CCDC178: variants seen among roughly 807,000 people sequenced by gnomAD.
CCDC178 encodes coiled-coil domain containing 178.
CCDC178 carries 126 observed loss-of-function variants against 117.4 expected under a neutral mutation model. The observed-to-expected ratio is 1.07, with a 90% CI of 0.93 to 1.24. CCDC178 has a LOEUF of 1.24. CCDC178 is among the 50% of genes most tolerant of loss of function. The pLI, the probability that CCDC178 is intolerant of heterozygous loss-of-function variation, is 0.00. For missense variants in CCDC178, 1,030 were observed against 986.9 expected (o/e 1.04, Z -0.59); for synonymous variants, 283 against 313.4 (o/e 0.90, Z 1.02).
chr18:33,109,020 T>C (rs756475946), intron 20 of CCDC178, among the ~76,000 whole-genome samples: 2 of 151,612 alleles, frequency 1.3e-5, no homozygotes, highest in Non-Finnish European at 3.0e-5. Flanking sequence ...TGGTGTGTAA[T>C]GGCACAGTCA....
chr18:33,356,277 T>C (rs1251409033), intron 7 of CCDC178, 47 bp downstream of exon 7: 5 of 1,439,028 alleles, frequency 3.5e-6, no homozygotes, highest in Admixed American at 2.6e-5. Context: ...GATTGAAATT[T>C]GGACATTAAA....
intron 20 of CCDC178, among the ~76,000 whole-genome samples, chr18:33,146,887 G>T (rs72945329): frequency 0.031 from 4,706 of 152,252 alleles, 95 homozygotes; most frequent in East Asian, 0.11. Flanking sequence ...GCGTTTTTAA[G>T]ACTCAGTCTG....
At chr18:33,168,427 T>C (rs973082841) in intron 20 of CCDC178, among the ~76,000 whole-genome samples, 4 of 152,220 alleles carry the variant, frequency 2.6e-5, no homozygotes, top group African/African-American at 7.2e-5. Flanking sequence ...CTCTCTATTC[T>C]GTTCCATTGG....
Position 33,148,058 on chromosome 18 carries a change from G to A in CCDC178, c.2239-55148C>T, listed in dbSNP as rs1482760615. On this transcript the variant is annotated intron_variant, in intron 20 of 22. Transcript: ENST00000383096. ...AGAGGCTGCAATCTCGGCACTTTGG[G>A]AGGCCAAGGCAGGCGGCTGGGAGGT... Among the ~76,000 whole-genome samples, 7 of 152,338 alleles carry A rather than the reference G, an allele frequency of 4.6e-5. No individual in the cohort carries two copies. In the East Asian group the frequency reaches 1.4e-3, roughly 29 times the overall value.
chr18:33,299,705 AT>A (rs1433928752), intron 11 of CCDC178, among the ~76,000 whole-genome samples: 1 of 151,382 alleles, frequency 6.6e-6, no homozygotes, highest in Non-Finnish European at 1.5e-5. Flanking sequence ...GGGAGAAAAT[AT>A]TTGCAATCTA....
intron 21 of CCDC178, among the ~76,000 whole-genome samples, chr18:33,025,003 A>G (rs1193833300): frequency 6.6e-6 from 1 of 152,160 alleles, no homozygotes; most frequent in Non-Finnish European, 1.5e-5. Context: ...TGACAAAGAC[A>G]GTACAAAAGA....
chr18:33,359,842 T>C (rs2063102277), intron 6 of CCDC178, among the ~76,000 whole-genome samples: 1 of 151,354 alleles, frequency 6.6e-6, no homozygotes, highest in Non-Finnish European at 1.5e-5. Context: ...AATGAAACAC[T>C]TCATTTACTT....
intron 10 of CCDC178, among the ~76,000 whole-genome samples, chr18:33,329,073 CTTAA>C (rs2062628310): frequency 6.6e-6 from 1 of 151,670 alleles, no homozygotes; most frequent in Non-Finnish European, 1.5e-5. Context: ...GAATTGTTTT[CTTAA>C]TTTTTTTTGG....
At chr18:33,058,861 A>T (rs1262062060) in intron 21 of CCDC178, among the ~76,000 whole-genome samples, 1 of 152,206 alleles carries the variant, frequency 6.6e-6, no homozygotes, top group Non-Finnish European at 1.5e-5. Flanking sequence ...TGTAATGGAT[A>T]TAGTAATAAT....
At chr18:33,380,762 T>A (rs2063430000) in intron 5 of CCDC178, among the ~76,000 whole-genome samples, 1 of 152,250 alleles carries the variant, frequency 6.6e-6, no homozygotes, top group Non-Finnish European at 1.5e-5. Context: ...CTCAGAGAGT[T>A]GATCTTTATG....
intron 11 of CCDC178, among the ~76,000 whole-genome samples, chr18:33,322,698 TAA>T (rs1212432467): frequency 6.6e-6 from 1 of 151,658 alleles, no homozygotes; most frequent in Non-Finnish European, 1.5e-5. Context: ...AGATTAGTTA[TAA>T]AAGAGATTTC....
At chr18:33,070,464 A>T (rs909774560) in intron 21 of CCDC178, among the ~76,000 whole-genome samples, 12 of 152,038 alleles carry the variant, frequency 7.9e-5, no homozygotes, top group African/African-American at 2.9e-4. Context: ...GGAGCTAAAG[A>T]TATTGTTCTC....
intron 9 of CCDC178, among the ~76,000 whole-genome samples, chr18:33,336,889 T>C (rs1825564038): frequency 6.6e-6 from 1 of 152,138 alleles, no homozygotes; most frequent in African/African-American, 2.4e-5. Context: ...CTCTTTTTTT[T>C]GGTTCCACAT....
rs929774115 is a variant in CCDC178, at chr18:33,114,318, C to CT, written c.2239-21409dup. 4.0e-4 allele frequency among the ~76,000 whole-genome samples: 61 copies of CT among 152,078 alleles called. No individual in the cohort carries two copies. In the Middle Eastern group the frequency reaches 0.01, roughly 25 times the overall value. On this transcript the variant is annotated intron_variant, in intron 20 of 22. Coordinates refer to ENST00000383096, the MANE Select transcript of CCDC178 (RefSeq NM_001105528.4). ...ACATTCTGCATCAGCCTTGAGAATG[C>CT]TGTGCAGGAGAGACCCTGGTAGCCC...
chr18:32,944,852 C>T (rs1191233749), intron 22 of CCDC178, among the ~76,000 whole-genome samples: 1 of 152,176 alleles, frequency 6.6e-6, no homozygotes, highest in Non-Finnish European at 1.5e-5. Context: ...TAAGCAGTTT[C>T]CGCTTTGGCT....
At chr18:33,369,905 A>C (rs1053557732) in intron 6 of CCDC178, 145 bp downstream of exon 6, 1 of 625,566 alleles carries the variant, frequency 1.6e-6, no homozygotes, top group Non-Finnish European at 2.5e-6. Flanking sequence ...CTAGACTAGT[A>C]AATGATGCAA....
intron 2 of CCDC178, among the ~76,000 whole-genome samples, chr18:33,438,123 C>G (rs140504455): frequency 6.6e-6 from 1 of 152,126 alleles, no homozygotes; most frequent in African/African-American, 2.4e-5. Context: ...ACCATAACTT[C>G]CACAGTGATC....
intron 21 of CCDC178, among the ~76,000 whole-genome samples, chr18:33,018,500 G>A (rs1025208041): frequency 1.3e-5 from 2 of 152,030 alleles, no homozygotes; most frequent in African/African-American, 4.8e-5. Context: ...TGCCCATCAA[G>A]TGATGAATGA....
intron 20 of CCDC178, among the ~76,000 whole-genome samples, chr18:33,172,386 TAA>T (rs1384982008): frequency 6.6e-6 from 1 of 152,010 alleles, no homozygotes; most frequent in African/African-American, 2.4e-5. Context: ...TAGAGTTAAA[TAA>T]ATATACGTAA....
Sources: gnomAD v4.1 joint callset for allele counts (sites outside exome capture counted in the v4.1 genomes callset) on GRCh38, gnomAD v4.1.1 for gene constraint, MANE v1.5 for transcripts, NCBI Gene and HGNC (gene_info 2026-07-23, HGNC 2026-07-21) for gene names.